ZNF804B: variants seen among roughly 807,000 people sequenced by gnomAD.
The protein encoded by ZNF804B is zinc finger 804B.
A neutral mutation model predicts 101.4 loss-of-function variants in ZNF804B; 80 were observed. The observed-to-expected ratio is 0.79, with a 90% confidence interval of 0.66 to 0.95. The LOEUF is 0.95. Among genes scored for constraint, ZNF804B ranks in the 40% least tolerant of loss-of-function variants. The pLI is 0.00. For synonymous variants in ZNF804B, 622 were observed against 558.8 expected, an observed-to-expected ratio of 1.11 and a Z score of -1.59; for missense variants, 1,673 against 1,561.9, an observed-to-expected ratio of 1.07 and a Z score of -1.20.
Position 89,013,531 on chromosome 7 carries a change from G to C in ZNF804B, c.109-204624G>C, listed in dbSNP as rs559583782. On this transcript the variant is annotated intron_variant, in intron 1 of 3. Coordinates refer to ENST00000333190, the MANE Select transcript of ZNF804B (RefSeq NM_181646.5). Reference sequence around the variant, plus strand: ...TTTTTAATTGACACATAATAATTGTGCATATTTATGGGGCACATAGTGATG... The same window carrying C: ...TTTTTAATTGACACATAATAATTGTCCATATTTATGGGGCACATAGTGATG... Among the ~76,000 whole-genome samples the C allele has an allele frequency of 1.1e-4, 17 of 152,186 alleles. No homozygotes were observed. The South Asian group carries it at 3.5e-3, about 32-fold the overall frequency.
intron 1 of ZNF804B, among the ~76,000 whole-genome samples, chr7:88,874,456 C>G (rs1791891416): frequency 6.6e-6 from 1 of 151,966 alleles, no homozygotes; most frequent in Non-Finnish European, 1.5e-5. Context: ...ATTGAATACC[C>G]TTTGTTTTCT....
rs150870900 is a variant in ZNF804B at position 89,334,848 on chromosome 7, T to C, written c.1866T>C (p.Asp622=). 3.7e-6 allele frequency: 6 copies of C among 1,613,814 alleles called. 1 individual carries two copies. In the South Asian group the frequency reaches 6.6e-5, roughly 18 times the overall value. The change falls in exon 4 of 4, where the codon GAT becomes GAC. Residue 622 remains aspartate (D), a synonymous_variant. Coordinates refer to ENST00000333190, the MANE Select transcript of ZNF804B (RefSeq NM_181646.5). ...GAAAGGCAGTTCTAAATGATATAGATGAGGACCTATCTTTTCCTTCCTACA... is the reference window on the plus strand; with the variant it reads ...GAAAGGCAGTTCTAAATGATATAGACGAGGACCTATCTTTTCCTTCCTACA... ...GCRKAVLNDI[D]EDLSFPSYIS... is the part of the protein sequence containing the mutation.
chr7:89,092,188 C>A (rs774986840), intron 1 of ZNF804B, among the ~76,000 whole-genome samples: 1 of 151,624 alleles, frequency 6.6e-6, no homozygotes, highest in Non-Finnish European at 1.5e-5. Context: ...GTGAAATAAA[C>A]AAAGGATTTC....
At chr7:88,995,676 C>T (rs546441932) in intron 1 of ZNF804B, among the ~76,000 whole-genome samples, 1 of 151,932 alleles carries the variant, frequency 6.6e-6, no homozygotes, top group African/African-American at 2.4e-5. Flanking sequence ...GCTTCGTGAC[C>T]TCCTTCCAAA....
chr7:88,870,496 A>T (rs1300740088), intron 1 of ZNF804B, among the ~76,000 whole-genome samples: 2 of 151,936 alleles, frequency 1.3e-5, no homozygotes, highest in African/African-American at 4.8e-5. Context: ...TTAGAACTGC[A>T]TCAGCTGACA....
intron 1 of ZNF804B, among the ~76,000 whole-genome samples, chr7:88,972,260 A>G (rs1422475296): frequency 6.6e-6 from 1 of 151,556 alleles, no homozygotes; most frequent in East Asian, 2.0e-4. Flanking sequence ...TCACCAGCTT[A>G]AAATGTCTAC....
chr7:88,977,466 A>G (rs1235154663), intron 1 of ZNF804B, among the ~76,000 whole-genome samples: 2 of 151,504 alleles, frequency 1.3e-5, no homozygotes, highest in Non-Finnish European at 1.5e-5. Context: ...TTCATGGTTC[A>G]TTCTTAGTAG....
At chr7:89,048,008 G>A (rs1468159283) in intron 1 of ZNF804B, among the ~76,000 whole-genome samples, 1 of 151,568 alleles carries the variant, frequency 6.6e-6, no homozygotes, top group African/African-American at 2.4e-5. Flanking sequence ...TTTCTTACAT[G>A]AGTAAGTTCT....
At chr7:89,215,439 T>C (rs963265097) in intron 1 of ZNF804B, among the ~76,000 whole-genome samples, 1 of 152,054 alleles carries the variant, frequency 6.6e-6, no homozygotes, top group Non-Finnish European at 1.5e-5. Flanking sequence ...AATATAAAAA[T>C]ACATTTTTAG....
chr7:89,089,967 A>G (rs1362067878), intron 1 of ZNF804B, among the ~76,000 whole-genome samples: 1 of 151,924 alleles, frequency 6.6e-6, no homozygotes, highest in African/African-American at 2.4e-5. Flanking sequence ...AAATAGCCTA[A>G]GATTTTTTCT....
intron 2 of ZNF804B, among the ~76,000 whole-genome samples, chr7:89,233,705 C>G (rs999834149): frequency 4.0e-5 from 6 of 151,714 alleles, no homozygotes; most frequent in African/African-American, 1.2e-4. Context: ...ATGGTGTGAT[C>G]TTGGCTCACT....
At chr7:88,801,531 A>C (rs529761117) in intron 1 of ZNF804B, among the ~76,000 whole-genome samples, 3 of 152,212 alleles carry the variant, frequency 2.0e-5, no homozygotes, top group Non-Finnish European at 4.4e-5. Context: ...GATCCCTCTT[A>C]TCTTCTGCCA....
At chr7:88,902,978 A>G (rs1476542402) in intron 1 of ZNF804B, among the ~76,000 whole-genome samples, 1 of 152,034 alleles carries the variant, frequency 6.6e-6, no homozygotes, top group Non-Finnish European at 1.5e-5. Context: ...ATATGGGAGT[A>G]CGTGTGCAGG....
intron 1 of ZNF804B, among the ~76,000 whole-genome samples, chr7:89,167,771 A>T (rs1053975312): frequency 6.6e-6 from 1 of 152,162 alleles, no homozygotes; most frequent in Non-Finnish European, 1.5e-5. Flanking sequence ...CTAAAATCTC[A>T]AACAGAAAAA....
intron 2 of ZNF804B, among the ~76,000 whole-genome samples, chr7:89,225,550 G>C (rs1321211425): frequency 6.6e-6 from 1 of 152,006 alleles, no homozygotes; most frequent in African/African-American, 2.4e-5. Context: ...AAAAGTAGCT[G>C]AATAACTTGG....
At chr7:89,265,307 C>T (rs1016591433) in intron 2 of ZNF804B, among the ~76,000 whole-genome samples, 4 of 151,224 alleles carry the variant, frequency 2.6e-5, no homozygotes, top group Admixed American at 6.6e-5. Flanking sequence ...CGTGCGCGCG[C>T]GCACACATGC....
chr7:88,824,789 A>G (rs1791030341), intron 1 of ZNF804B, among the ~76,000 whole-genome samples: 1 of 152,204 alleles, frequency 6.6e-6, no homozygotes, highest in Middle Eastern at 3.2e-3. Flanking sequence ...ATTAAAGTTA[A>G]GTTTGTCTTA....
chr7:89,235,979 TG>T (rs1239476538), intron 2 of ZNF804B, among the ~76,000 whole-genome samples: 1 of 152,126 alleles, frequency 6.6e-6, no homozygotes, highest in Admixed American at 6.5e-5. Context: ...GTATGTTTTG[TG>T]GGGGAAACCA....
intron 1 of ZNF804B, among the ~76,000 whole-genome samples, chr7:89,164,863 A>G (rs1030779544): frequency 1.4e-4 from 21 of 152,094 alleles, no homozygotes; most frequent in Non-Finnish European, 4.4e-5. Context: ...GAGATTAAGG[A>G]TAATAATAGC....
Sources: gnomAD v4.1 joint callset for allele counts (sites outside exome capture counted in the v4.1 genomes callset) on GRCh38, gnomAD v4.1.1 for gene constraint, MANE v1.5 for transcripts, NCBI Gene and HGNC (gene_info 2026-07-23, HGNC 2026-07-21) for gene names.